The following TES variants were observed in gnomAD, a reference collection of about 807,000 sequenced individuals.
TES encodes the protein testin LIM domain protein, also known as testin.
TES carries 41 observed loss-of-function variants against 48.2 expected under a neutral mutation model. The ratio of observed to expected loss-of-function variants is 0.85; its 90% confidence interval spans 0.66 to 1.10. TES has a LOEUF of 1.10. Ranked by LOEUF, TES falls within the 50% of genes least tolerant of loss-of-function variation. TES has a pLI of 0.00. For missense variants in TES, 463 were observed against 515.1 expected (o/e 0.90, Z 0.98); for synonymous variants, 162 against 174.9 (o/e 0.93, Z 0.58).
chr7:116,235,204 A>G (rs761566099), intron 2 of TES, among the ~76,000 whole-genome samples: 2 of 151,868 alleles, frequency 1.3e-5, no homozygotes, highest in East Asian at 1.9e-4. Flanking sequence ...GCCCACCTCA[A>G]CCTCCCAAAG....
Position 116,210,983 on chromosome 7 carries a change from C to G in TES, c.27+249C>G, listed in dbSNP as rs1866960. ...GAGCGAGGGCGGGCGCGGGACTCTT[C>G]TCTCCAGTCTCACGGAATCCCAGTG... On this transcript the variant is annotated intron_variant, in intron 1 of 6. Transcript: ENST00000358204. 2.3e-3 allele frequency: 754 copies of G among 327,038 alleles called. 2 individuals carry two copies. The highest frequency in any genetic ancestry group is 0.015 in the African/African-American group (711 of 46,224). 20.3% of individuals were successfully genotyped at this position (327,038 alleles called of 1,614,324 possible). A position where few individuals can be genotyped will look rare whatever the true frequency, so the allele number is the denominator to read the frequency against.
At chr7:116,221,036 C>T (rs1037242714) in intron 1 of TES, among the ~76,000 whole-genome samples, 4 of 152,072 alleles carry the variant, frequency 2.6e-5, no homozygotes, top group African/African-American at 4.8e-5. Flanking sequence ...GGCATGCTCT[C>T]AGTAAATTAT....
chr7:116,242,849 G>A (rs1051034154), intron 2 of TES, among the ~76,000 whole-genome samples: 1 of 151,916 alleles, frequency 6.6e-6, no homozygotes, highest in Non-Finnish European at 1.5e-5. Flanking sequence ...ATGAATTCTT[G>A]TAACTTTTCA....
chr7:116,229,494 G>T (rs1374975501), intron 1 of TES, among the ~76,000 whole-genome samples: 1 of 152,162 alleles, frequency 6.6e-6, no homozygotes, highest in Non-Finnish European at 1.5e-5. Flanking sequence ...CCTTAGAGTA[G>T]ATGGGGTTCC....
At chr7:116,228,798 G>A (rs1421688370) in intron 1 of TES, among the ~76,000 whole-genome samples, 1 of 151,692 alleles carries the variant, frequency 6.6e-6, no homozygotes, top group Admixed American at 6.6e-5. Flanking sequence ...CACATGATTT[G>A]CAATAAAATT....
At chr7:116,251,700 GAAAGA>G (rs937585478) in intron 4 of TES, 55 bp from the exon 5 acceptor site, 3 of 1,388,888 alleles carry the variant, frequency 2.2e-6, no homozygotes, top group South Asian at 1.2e-5. Context: ...AAAAAAGAAA[GAAAGA>G]AAAGAAATGG....
intron 1 of TES, among the ~76,000 whole-genome samples, chr7:116,223,976 G>C (rs1241962220): frequency 6.6e-6 from 1 of 152,238 alleles, no homozygotes; most frequent in Non-Finnish European, 1.5e-5. Flanking sequence ...ATGCAGGCTA[G>C]CCTGATCAGT....
intron 2 of TES, among the ~76,000 whole-genome samples, chr7:116,245,644 T>C (rs1448524201): frequency 6.6e-6 from 1 of 152,170 alleles, no homozygotes; most frequent in Non-Finnish European, 1.5e-5. Context: ...TATTACCCAG[T>C]TCCAAAATCA....
chr7:116,224,869 G>T (rs539155893), intron 1 of TES, among the ~76,000 whole-genome samples: 3 of 108,448 alleles, frequency 2.8e-5, no homozygotes, highest in Admixed American at 2.6e-4. Flanking sequence ...CAGTTTGGAG[G>T]GAAAAAAAAA....
intron 2 of TES, among the ~76,000 whole-genome samples, chr7:116,244,544 G>C (rs112286334): frequency 0.19 from 28,428 of 152,218 alleles, 2,726 homozygotes; most frequent in Middle Eastern, 0.26. Context: ...CGCCCCTGTG[G>C]CTTTGCAAGG....
At chr7:116,212,748 A>G (rs549864304) in intron 1 of TES, among the ~76,000 whole-genome samples, 2 of 152,314 alleles carry the variant, frequency 1.3e-5, no homozygotes, top group East Asian at 3.9e-4. Context: ...ATTATGATAA[A>G]TAATGCCCTT....
chr7:116,253,459 C>A (rs1563015948), intron 6 of TES, among the ~76,000 whole-genome samples: 1 of 152,090 alleles, frequency 6.6e-6, no homozygotes. Context: ...GCAGTGGCCT[C>A]AAATTTCGTT....
At position 116,258,759 on chromosome 7, in the gene TES, C is replaced by G. The variant is rs528950906; in HGVS notation, c.*1277C>G. ...TGGAATGAATGATATGTATATTACT[C>G]AAAATAAAGTTTCTTTCACTTTAAT... On this transcript the variant is annotated 3_prime_UTR_variant, in exon 7 of 7. Coordinates refer to ENST00000358204, the MANE Select transcript of TES (RefSeq NM_015641.4). 12 of 152,720 alleles carry G rather than the reference C, an allele frequency of 7.9e-5. No homozygotes were observed. The South Asian group carries it at 2.5e-3, about 32-fold the overall frequency. The allele number at this position is 152,720 out of a possible 1,614,324, so 9.5% of individuals were successfully genotyped here. A position where few individuals can be genotyped will look rare whatever the true frequency, so the allele number is the denominator to read the frequency against.
chr7:116,250,245 G>A lies in TES; in HGVS notation c.451G>A (p.Ala151Thr). ...GGCACAGTACCGGAAGAAGCAGCTG[G>A]CAAAGCAGCTCCCTGCACATGACCA... Reference protein sequence around the residue: ...EGAQYRKKQLAKQLPAHDQDP... With the variant: ...EGAQYRKKQLTKQLPAHDQDP... Residue 151 changes from alanine (A) to threonine (T), a missense_variant, in exon 4 of 7, where the codon GCA becomes ACA. Ala to Thr is a moderately conservative substitution (Grantham distance 58). Transcript: ENST00000358204. 1.2e-6 allele frequency: 2 copies of A among 1,609,238 alleles called. No individual in the cohort carries two copies. The highest frequency in any genetic ancestry group is 8.5e-7 in the Non-Finnish European group (1 of 1,177,986).
chr7:116,234,214 T>C (rs1326269549), intron 1 of TES, among the ~76,000 whole-genome samples: 1 of 152,200 alleles, frequency 6.6e-6, no homozygotes, highest in Non-Finnish European at 1.5e-5. Flanking sequence ...CCTATTGTGC[T>C]ATGGGGCTGT....
Position 116,250,422 on chromosome 7 carries a change from G to A in TES, c.628G>A (p.Gly210Arg). ...AQGPKQMNIP[G>R]GDRSTPAAVG... is the part of the protein sequence containing the mutation. ...AGGCCCCAAACAAATGAACATTCCTGGAGGGGATAGAAGCACCCCAGCAGC... is the reference window on the plus strand; with the variant it reads ...AGGCCCCAAACAAATGAACATTCCTAGAGGGGATAGAAGCACCCCAGCAGC... Residue 210 changes from glycine to arginine, a missense_variant, in exon 4 of 7, where the codon GGA (glycine) becomes AGA (arginine). Coordinates refer to ENST00000358204, the MANE Select transcript of TES (RefSeq NM_015641.4). 6.2e-7 allele frequency: 1 copy of A among 1,610,676 alleles called. No individual in the cohort carries two copies. Among genetic ancestry groups the A allele is most frequent in the Non-Finnish European group, 8.5e-7 (1 of 1,178,418 alleles).
At chr7:116,225,138 C>A (rs2116581699) in intron 1 of TES, among the ~76,000 whole-genome samples, 1 of 134,484 alleles carries the variant, frequency 7.4e-6, no homozygotes, top group Middle Eastern at 3.8e-3. Context: ...CTTCCACCAT[C>A]ACAACCCTCA....
At chr7:116,245,062 C>T (rs1253501906) in intron 2 of TES, among the ~76,000 whole-genome samples, 2 of 152,144 alleles carry the variant, frequency 1.3e-5, no homozygotes, top group Non-Finnish European at 2.9e-5. Context: ...GGCCTCCAGG[C>T]CTGTGATGGG....
chr7:116,216,405 A>T lies in TES; in HGVS notation c.27+5671A>T, dbSNP rs1357372739. ...CCTAAGCTGAGAGTTGGTAGATCCG[A>T]GTCCACTATTTTTTGTGATATTAAC... On this transcript the variant is annotated intron_variant, in intron 1 of 6. Coordinates refer to ENST00000358204, the MANE Select transcript of TES (RefSeq NM_015641.4). 1.1e-4 allele frequency among the ~76,000 whole-genome samples: 17 copies of T among 152,208 alleles called. No homozygotes were observed. The South Asian group carries it at 3.5e-3, about 32-fold the overall frequency.
Sources: gnomAD v4.1 joint callset for allele counts (sites outside exome capture counted in the v4.1 genomes callset) on GRCh38, gnomAD v4.1.1 for gene constraint, MANE v1.5 for transcripts, NCBI Gene and HGNC (gene_info 2026-07-23, HGNC 2026-07-21) for gene names.